PCDHA1: variants seen among roughly 807,000 people sequenced by gnomAD.
PCDHA1 encodes protocadherin alpha-1.
PCDHA1 carries 42 observed loss-of-function variants against 61.3 expected under a neutral mutation model. The observed-to-expected ratio is 0.69, with a 90% CI of 0.54 to 0.89. The LOEUF (loss-of-function observed/expected upper bound fraction) is 0.89, where lower values mean the gene tolerates loss of function less well. PCDHA1 is among the 40% of genes least tolerant of loss of function. PCDHA1 has a pLI of 0.00. For missense variants in PCDHA1, 1,256 were observed against 1,235.3 expected (o/e 1.02, Z -0.25); for synonymous variants, 610 against 553.8 (o/e 1.10, Z -1.43).
chr5:140,943,321 G>A (rs1012061757), intron 1 of PCDHA1, among the ~76,000 whole-genome samples: 4 of 150,454 alleles, frequency 2.7e-5, no homozygotes, highest in Non-Finnish European at 5.9e-5. Context: ...TAGCAATATT[G>A]TGTAGTATCC....
intron 3 of PCDHA1, among the ~76,000 whole-genome samples, chr5:141,006,406 G>T (rs553100919): frequency 6.6e-6 from 1 of 151,932 alleles, no homozygotes; most frequent in African/African-American, 2.4e-5. Flanking sequence ...GTAGAGACGC[G>T]GTTTCACTGT....
At chr5:140,841,138 C>A (rs782232195) in intron 1 of PCDHA1, 1 of 713,754 alleles carries the variant, frequency 1.4e-6, no homozygotes, top group Non-Finnish European at 2.3e-6. Flanking sequence ...TTTGAAGCCA[C>A]ATGATGTCGC....
At chr5:140,807,077 C>T in intron 1 of PCDHA1, 1 of 1,247,972 alleles carries the variant, frequency 8.0e-7, no homozygotes, top group Non-Finnish European at 1.1e-6. Flanking sequence ...CATATACACT[C>T]TTTGGAGTCT....
intron 1 of PCDHA1, chr5:140,854,524 C>T (rs1220385144): frequency 6.7e-6 from 1 of 149,864 alleles, no homozygotes; most frequent in Non-Finnish European, 1.5e-5. Flanking sequence ...TTAAGTGACA[C>T]CCATTTCTGT....
At chr5:140,926,053 C>T (rs768010675) in intron 1 of PCDHA1, among the ~76,000 whole-genome samples, 10 of 152,230 alleles carry the variant, frequency 6.6e-5, no homozygotes, top group Non-Finnish European at 1.5e-4. Context: ...CCCCAACCTT[C>T]TTCCCCTCCT....
chr5:141,009,732 A>G lies in PCDHA1; in HGVS notation c.2648A>G (p.Glu883Gly). ...AACCCCAAACAATCCGGTCCCGGTG[A>G]GTTGCCCGACAAATTCATTATCCCA... is the stretch of plus-strand genomic sequence containing the variant. Reference protein sequence around the residue: ...PGNPKQSGPGELPDKFIIPGS... With the variant: ...PGNPKQSGPGGLPDKFIIPGS... Residue 883 changes from glutamate to glycine, a missense_variant, in exon 4 of 4, where the codon GAG becomes GGG. Transcript: ENST00000504120. The G allele has an allele frequency of 6.2e-7, 1 of 1,614,168 alleles. No individual in the cohort carries two copies. Among genetic ancestry groups the G allele is most frequent in the Non-Finnish European group, 8.5e-7 (1 of 1,180,032 alleles).
chr5:140,799,291 A>G (rs1262623454), intron 1 of PCDHA1, among the ~76,000 whole-genome samples: 3 of 152,040 alleles, frequency 2.0e-5, no homozygotes, highest in African/African-American at 7.2e-5. Flanking sequence ...GTGACATTCC[A>G]TTTTGCAATT....
intron 1 of PCDHA1, among the ~76,000 whole-genome samples, chr5:140,906,526 CAATT>C (rs1554192570): frequency 6.6e-6 from 1 of 152,190 alleles, no homozygotes; most frequent in Non-Finnish European, 1.5e-5. Context: ...ATACTCACGA[CAATT>C]AAAATCCTCA....
intron 1 of PCDHA1, chr5:140,824,238 T>G: frequency 1.3e-6 from 2 of 1,505,084 alleles, no homozygotes; most frequent in African/African-American, 1.4e-5. Flanking sequence ...ACACAAATAT[T>G]GTGGTACACA....
chr5:140,954,411 G>A (rs246022), intron 1 of PCDHA1, among the ~76,000 whole-genome samples: 85,294 of 151,642 alleles, frequency 0.56, 24,563 homozygotes, highest in African/African-American at 0.69. Flanking sequence ...ACAGGGTAAA[G>A]GTGTTCCTTT....
intron 1 of PCDHA1, chr5:140,834,263 T>C (rs1772873408): frequency 9.0e-6 from 9 of 995,660 alleles, no homozygotes; most frequent in South Asian, 8.2e-5. Flanking sequence ...CGCTCCACTC[T>C]CTTTCACTCT....
chr5:141,010,384 G>T lies in PCDHA1; in HGVS notation c.*447G>T, dbSNP rs2098417140. 10 of 1,411,480 alleles carry T rather than the reference G, an allele frequency of 7.1e-6. No homozygotes were observed. In the South Asian group the frequency reaches 8.5e-5, roughly 12 times the overall value. The allele number at this position is 1,411,480 out of a possible 1,614,324, so 87.4% of individuals were successfully genotyped here. A position where few individuals can be genotyped will look rare whatever the true frequency, so the allele number is the denominator to read the frequency against. ...GCGGGTATGCGAGTGCCAGATATTGGCTGAGACGAGCCAGCTTAGACTAAT... is the reference window on the plus strand; with the variant it reads ...GCGGGTATGCGAGTGCCAGATATTGTCTGAGACGAGCCAGCTTAGACTAAT... On this transcript the variant is annotated 3_prime_UTR_variant, in exon 4 of 4. Coordinates refer to ENST00000504120, the MANE Select transcript of PCDHA1 (RefSeq NM_018900.4).
At chr5:140,819,168 A>T (rs1217280072) in intron 1 of PCDHA1, among the ~76,000 whole-genome samples, 1 of 152,214 alleles carries the variant, frequency 6.6e-6, no homozygotes, top group African/African-American at 2.4e-5. Context: ...TTAATTTTTG[A>T]AGAATCAAAT....
chr5:140,800,953 C>A, intron 1 of PCDHA1: 3 of 1,125,974 alleles, frequency 2.7e-6, no homozygotes, highest in South Asian at 2.9e-5. Flanking sequence ...AAACGACATA[C>A]AAGGAAAAGA....
chr5:140,984,340 T>C (rs1224859959), intron 3 of PCDHA1, among the ~76,000 whole-genome samples: 1 of 152,242 alleles, frequency 6.6e-6, no homozygotes, highest in African/African-American at 2.4e-5. Flanking sequence ...ATAGGAACCA[T>C]GTATTGATAT....
intron 1 of PCDHA1, chr5:140,871,330 G>A: frequency 1.9e-6 from 3 of 1,614,116 alleles, no homozygotes; most frequent in South Asian, 1.1e-5. Flanking sequence ...GTGCTCCCGC[G>A]CGGTGGGGAG....
intron 1 of PCDHA1, among the ~76,000 whole-genome samples, chr5:140,831,556 T>C (rs1258339149): frequency 6.8e-6 from 1 of 147,678 alleles, no homozygotes; most frequent in Non-Finnish European, 1.5e-5. Context: ...AGAGATGGGG[T>C]TTCTCCATGT....
At chr5:140,969,309 A>G in intron 1 of PCDHA1, 2 of 1,614,212 alleles carry the variant, frequency 1.2e-6, no homozygotes, top group Non-Finnish European at 1.7e-6. Context: ...ATTCTCAAAA[A>G]TGAGGCTGTT....
intron 1 of PCDHA1, chr5:140,967,921 C>T (rs781932025): frequency 6.2e-6 from 10 of 1,614,172 alleles, no homozygotes; most frequent in South Asian, 4.4e-5. Flanking sequence ...CCATTGTGGC[C>T]GTTCTCAGTG....
Sources: gnomAD v4.1 joint callset for allele counts (sites outside exome capture counted in the v4.1 genomes callset) on GRCh38, gnomAD v4.1.1 for gene constraint, MANE v1.5 for transcripts, NCBI Gene and HGNC (gene_info 2026-07-23, HGNC 2026-07-21) for gene names.